The following DNAAF5 variants were observed in gnomAD, a reference collection of about 807,000 sequenced individuals.
DNAAF5 encodes HEAT repeat containing 2.
In DNAAF5, 64 loss-of-function variants were observed where a neutral mutation model predicts 75.8. The observed-to-expected ratio is 0.84, with a 90% CI of 0.69 to 1.04. DNAAF5 has a LOEUF of 1.04. Among genes scored for constraint, DNAAF5 ranks in the 50% least tolerant of loss-of-function variants. DNAAF5 has a pLI of 0.00. For missense variants in DNAAF5, 1,269 were observed against 1,178.5 expected, an observed-to-expected ratio of 1.08 and a Z score of -1.12; for synonymous variants, 657 against 557.2, an observed-to-expected ratio of 1.18 and a Z score of -2.52.
In DNAAF5 at chr7:753,715, CAT is replaced by C. The variant is rs1404065768; in HGVS notation, c.1025-871_1025-870del. On this transcript the variant is annotated intron_variant, in intron 4 of 12. Coordinates refer to ENST00000297440, the MANE Select transcript of DNAAF5 (RefSeq NM_017802.4). ...GACGGCTTCGCAGGCGTGTCTCTCT[CAT>C]ATGGGGACGGCTTCGCAGGCGTGTC... Among the ~76,000 whole-genome samples the C allele has an allele frequency of 4.8e-3, 701 of 147,208 alleles. 9 individuals carry two copies. Among genetic ancestry groups the C allele is most frequent in the African/African-American group, 0.017 (648 of 39,082 alleles).
chr7:751,570 ATTTT>A (rs11439744), intron 4 of DNAAF5, among the ~76,000 whole-genome samples: 19 of 92,236 alleles, frequency 2.1e-4, no homozygotes, highest in Middle Eastern at 5.6e-3. Context: ...GTTGTTCTGA[ATTTT>A]TTTTTTTTTT....
intron 11 of DNAAF5, 115 bp downstream of exon 11, chr7:775,277 G>A (rs1778723169): frequency 1.0e-6 from 1 of 957,972 alleles, no homozygotes; most frequent in Non-Finnish European, 1.6e-6. Context: ...TCTCGGGCTG[G>A]GTGTGGTGGT....
intron 8 of DNAAF5, among the ~76,000 whole-genome samples, chr7:767,181 G>A (rs1778330392): frequency 6.7e-6 from 1 of 148,372 alleles, no homozygotes; most frequent in Admixed American, 6.8e-5. Context: ...GGGGCTTGCA[G>A]TGAGCCGAGA....
Position 727,130 on chromosome 7 carries a change from C to T in DNAAF5, c.410C>T (p.Ala137Val), listed in dbSNP as rs1379663317. Residue 137 changes from alanine to valine, a missense_variant, in exon 1 of 13, where the codon GCC (alanine) becomes GTC (valine). By Grantham distance (64) the Ala-to-Val change is moderately conservative (BLOSUM62 0). Coordinates refer to ENST00000297440, the MANE Select transcript of DNAAF5 (RefSeq NM_017802.4). Reference sequence around the variant, plus strand: ...GTGCCCGCGCGCCGCCCGCCCGAGGCCTGTGAGGAGCTGCGCCTGGCGCTT... The same window carrying T: ...GTGCCCGCGCGCCGCCCGCCCGAGGTCTGTGAGGAGCTGCGCCTGGCGCTT... ...GPVPARRPPE[A>V]CEELRLALVQ... The T allele has an allele frequency of 8.3e-7, 1 of 1,201,306 alleles. No individual in the cohort carries two copies. Among genetic ancestry groups the T allele is most frequent in the Non-Finnish European group, 1.0e-6 (1 of 967,408 alleles). The allele number at this position is 1,201,306 out of a possible 1,614,324, so 74.4% of individuals were successfully genotyped here.
intron 12 of DNAAF5, among the ~76,000 whole-genome samples, chr7:781,476 C>T (rs879819156): frequency 6.6e-6 from 1 of 152,310 alleles, no homozygotes; most frequent in African/African-American, 2.4e-5. Context: ...GTGGGGCATT[C>T]GGCGTGCGCG....
Position 761,509 on chromosome 7 carries a change from C to T in DNAAF5, c.1471-244C>T, listed in dbSNP as rs1329767821. ...GGAAGGCAAAGGAGGAGCAAAGTCA[C>T]GTCTTACGTGGCGGCAGGCGAGAGA... On this transcript the variant is annotated intron_variant, in intron 6 of 12. Transcript: ENST00000297440. Among the ~76,000 whole-genome samples the T allele has an allele frequency of 5.3e-5, 8 of 152,276 alleles. No homozygotes were observed. The South Asian group carries it at 6.2e-4, about 12-fold the overall frequency.
chr7:732,722 A>G (rs1781625444), intron 2 of DNAAF5: 1 of 435,146 alleles, frequency 2.3e-6, no homozygotes, highest in African/African-American at 2.0e-5. Context: ...CTCCTTATGG[A>G]TTCTGGTTGT....
intron 2 of DNAAF5, among the ~76,000 whole-genome samples, chr7:731,685 T>C (rs1186708250): frequency 6.6e-6 from 1 of 152,196 alleles, no homozygotes; most frequent in Admixed American, 6.5e-5. Flanking sequence ...TTTTGTGATT[T>C]TTTTTTTTCT....
At chr7:765,622 TCTC>T (rs1467337266) in intron 8 of DNAAF5, among the ~76,000 whole-genome samples, 2 of 152,132 alleles carry the variant, frequency 1.3e-5, no homozygotes, top group Non-Finnish European at 2.9e-5. Flanking sequence ...TGGGCCCACA[TCTC>T]CTGTCATTCA....
intron 6 of DNAAF5, among the ~76,000 whole-genome samples, chr7:761,362 C>T (rs1196103990): frequency 6.6e-6 from 1 of 152,218 alleles, no homozygotes; most frequent in Non-Finnish European, 1.5e-5. Context: ...GAGCGGGAGC[C>T]CTGTATTAGT....
At chr7:727,868 A>T (rs1368070762) in intron 1 of DNAAF5, among the ~76,000 whole-genome samples, 1 of 150,126 alleles carries the variant, frequency 6.7e-6, no homozygotes, top group African/African-American at 2.5e-5. Flanking sequence ...CTGTCCAGAT[A>T]CCTGGAAACC....
At chr7:746,506 C>T (rs1782115111) in intron 4 of DNAAF5, among the ~76,000 whole-genome samples, 1 of 143,820 alleles carries the variant, frequency 7.0e-6, no homozygotes, top group African/African-American at 2.6e-5. Context: ...TGACGCCCTC[C>T]TTACCGTCCT....
intron 2 of DNAAF5, among the ~76,000 whole-genome samples, chr7:738,147 G>A (rs73032407): frequency 0.16 from 24,668 of 152,022 alleles, 2,471 homozygotes; most frequent in Middle Eastern, 0.29. Context: ...CAAATAGCCC[G>A]TCTTCAAGCT....
chr7:776,793 C>T (rs1778775443), intron 11 of DNAAF5, among the ~76,000 whole-genome samples: 1 of 152,226 alleles, frequency 6.6e-6, no homozygotes, highest in Non-Finnish European at 1.5e-5. Context: ...GCCACCCAGG[C>T]CATGGGCCAG....
In DNAAF5 at chr7:754,468, A is replaced by G. The variant is rs1359416758; in HGVS notation, c.1025-121A>G. 8.4e-6 allele frequency: 7 copies of G among 836,878 alleles called. No homozygotes were observed. The highest frequency in any genetic ancestry group is 1.4e-5 in the Non-Finnish European group (7 of 501,414). 51.8% of individuals were successfully genotyped at this position (836,878 alleles called of 1,614,324 possible). ...TTGTCAGCTTTGCGTCCACCCCAAG[A>G]CTTGTTTTGAAATGGTGAGGTTGAA... On this transcript the variant is annotated intron_variant, in intron 4 of 12. Coordinates refer to ENST00000297440, the MANE Select transcript of DNAAF5 (RefSeq NM_017802.4). This position sits in a 1 kb window ranked among gnomAD's most constrained non-coding sequence, Gnocchi z 4.8.
At chr7:762,210 G>A (rs1300808331) in intron 7 of DNAAF5, among the ~76,000 whole-genome samples, 1 of 152,206 alleles carries the variant, frequency 6.6e-6, no homozygotes, top group Non-Finnish European at 1.5e-5. Flanking sequence ...ATGTCGCTGG[G>A]CGTGGCATCT....
Position 756,764 on chromosome 7 carries a change from CAT to C in DNAAF5, c.1258-17_1258-16del. On this transcript the variant is annotated splice_polypyrimidine_tract_variant and intron_variant, in intron 5 of 12. Transcript: ENST00000297440. ...CCTCGGGTTTGGCTCTGAGTTTTCT[CAT>C]GTTTCTTTCTCGCAGTGTACCAGAT... is the stretch of plus-strand genomic sequence containing the variant. 2 of 1,609,524 alleles carry C rather than the reference CAT, an allele frequency of 1.2e-6. No homozygotes were observed. The highest frequency in any genetic ancestry group is 1.7e-6 in the Non-Finnish European group (2 of 1,176,816).
At position 736,847 on chromosome 7, in the gene DNAAF5, T is replaced by TG. The variant is rs1554250736; in HGVS notation, c.781-3972_781-3971insG. On this transcript the variant is annotated intron_variant, in intron 2 of 12. Transcript: ENST00000297440. ...CTGGCGGTATGTTTTAATTTCTTTT[T>TG]TGTGTGTGTGTGTATCTGTTGTGGC... 7.6e-3 allele frequency among the ~76,000 whole-genome samples: 1,145 copies of TG among 151,440 alleles called. 12 individuals are homozygous for TG. Among genetic ancestry groups the TG allele is most frequent in the Middle Eastern group, 0.048 (14 of 294 alleles).
chr7:779,811 C>G, intron 11 of DNAAF5, 142 bp from the exon 12 acceptor site: 1 of 683,864 alleles, frequency 1.5e-6, no homozygotes, highest in East Asian at 2.8e-5. Flanking sequence ...GCTCGGGATG[C>G]ACGGAGTCTC....
Sources: allele counts gnomAD v4.1 joint callset (sites outside exome capture counted in the v4.1 genomes callset), GRCh38; gene constraint gnomAD v4.1.1; non-coding constraint Gnocchi (gnomAD v3.1); transcripts MANE v1.5; gene names NCBI Gene and HGNC (gene_info 2026-07-23, HGNC 2026-07-21).